The following ST3GAL3 variants were observed in gnomAD, a reference collection of about 807,000 sequenced individuals.
The protein encoded by ST3GAL3 is ST3 beta-galactoside alpha-2,3-sialyltransferase 3.
A neutral mutation model predicts 50.1 loss-of-function variants in ST3GAL3; 21 were observed. That is an observed-to-expected ratio of 0.42 (90% CI 0.30 to 0.60). The LOEUF is 0.60. Among genes scored for constraint, ST3GAL3 ranks in the 20% least tolerant of loss-of-function variants. ST3GAL3 has a pLI of 0.19. For synonymous variants in ST3GAL3, 183 were observed against 190.0 expected (o/e 0.96, Z 0.30); for missense variants, 353 against 489.4 (o/e 0.72, Z 2.63).
intron 4 of ST3GAL3, among the ~76,000 whole-genome samples, chr1:43,818,043 A>G (rs928132233): frequency 1.3e-5 from 2 of 151,890 alleles, no homozygotes; most frequent in Non-Finnish European, 2.9e-5. Context: ...CCTCATTTAG[A>G]TTCTTGGGTA....
intron 5 of ST3GAL3, among the ~76,000 whole-genome samples, chr1:43,883,915 C>G (rs1462716937): frequency 2.0e-5 from 3 of 152,226 alleles, no homozygotes; most frequent in Admixed American, 6.5e-5. Flanking sequence ...TTGCCATTAT[C>G]TCCTTTGAGA....
chr1:43,728,846 T>C (rs1043024799), intron 1 of ST3GAL3, among the ~76,000 whole-genome samples: 5 of 152,198 alleles, frequency 3.3e-5, no homozygotes, highest in African/African-American at 1.2e-4. Flanking sequence ...TACACATATG[T>C]ATACACACAT....
chr1:43,912,580 G>T (rs1331334889), intron 9 of ST3GAL3: 1 of 152,280 alleles, frequency 6.6e-6, no homozygotes, highest in Non-Finnish European at 1.5e-5. Context: ...GTCACCCCAG[G>T]AGAGTTGGTG....
chr1:43,817,598 C>CTCCT (rs2061488096), intron 4 of ST3GAL3, among the ~76,000 whole-genome samples: 1 of 73,106 alleles, frequency 1.4e-5, no homozygotes, highest in Non-Finnish European at 3.0e-5. Context: ...TCTCCTCCTC[C>CTCCT]CTTCTCCTTC....
chr1:43,775,420 G>A (rs935691900), intron 2 of ST3GAL3, among the ~76,000 whole-genome samples: 8 of 151,982 alleles, frequency 5.3e-5, no homozygotes, highest in Admixed American at 4.6e-4. Context: ...TTTTAGTAGA[G>A]ATGGAGTTTC....
At chr1:43,862,345 A>T (rs3011229) in intron 5 of ST3GAL3, among the ~76,000 whole-genome samples, 1 of 152,136 alleles carries the variant, frequency 6.6e-6, no homozygotes, top group African/African-American at 2.4e-5. Flanking sequence ...TGTGTATACC[A>T]CATTATAATT....
chr1:43,890,513 C>A (rs2428854), intron 5 of ST3GAL3, among the ~76,000 whole-genome samples: 123,854 of 152,156 alleles, frequency 0.81, 51,262 homozygotes, highest in Non-Finnish European at 0.89. Context: ...TCATTCAAGG[C>A]ATAGAAAGAG....
chr1:43,770,163 A>G (rs573603542), intron 2 of ST3GAL3, among the ~76,000 whole-genome samples: 2 of 151,620 alleles, frequency 1.3e-5, no homozygotes, highest in East Asian at 2.0e-4. Flanking sequence ...TTCTCTAGTA[A>G]AAGTCTTTGT....
chr1:43,728,118 G>C (rs892723188), intron 1 of ST3GAL3, among the ~76,000 whole-genome samples: 1 of 152,100 alleles, frequency 6.6e-6, no homozygotes, highest in Non-Finnish European at 1.5e-5. Flanking sequence ...GTAAGAACAT[G>C]TGGTATTTGG....
chr1:43,742,588 A>G (rs1254660859), intron 2 of ST3GAL3, among the ~76,000 whole-genome samples: 1 of 152,256 alleles, frequency 6.6e-6, no homozygotes, highest in Non-Finnish European at 1.5e-5. Context: ...GCAAAGAAAC[A>G]GGAGAATATC....
intron 5 of ST3GAL3, among the ~76,000 whole-genome samples, chr1:43,884,339 T>G (rs2075632524): frequency 6.6e-6 from 1 of 152,212 alleles, no homozygotes. Flanking sequence ...CTTCGACTCC[T>G]GCTCTCCCAT....
intron 5 of ST3GAL3, among the ~76,000 whole-genome samples, chr1:43,855,335 C>T (rs140712028): frequency 1.3e-3 from 204 of 152,304 alleles, no homozygotes; most frequent in Middle Eastern, 3.4e-3. Flanking sequence ...ATCAGCCAGG[C>T]GCAGTGGCTC....
At chr1:43,928,076 T>G (rs780353493) in intron 11 of ST3GAL3, among the ~76,000 whole-genome samples, 1 of 152,124 alleles carries the variant, frequency 6.6e-6, no homozygotes, top group African/African-American at 2.4e-5. Context: ...TGTAAAAGAT[T>G]TGGAAGGTGG....
intron 4 of ST3GAL3, among the ~76,000 whole-genome samples, chr1:43,821,845 G>T (rs1458696115): frequency 1.3e-5 from 2 of 152,164 alleles, no homozygotes; most frequent in Admixed American, 1.3e-4. Flanking sequence ...CTCTTGCCCC[G>T]ACAACAAAGT....
chr1:43,864,781 A>G lies in ST3GAL3; in HGVS notation c.302+26470A>G, dbSNP rs77837695. 1.3e-4 allele frequency among the ~76,000 whole-genome samples: 20 copies of G among 152,214 alleles called. No individual in the cohort carries two copies. In the East Asian group the frequency reaches 3.9e-3, roughly 29 times the overall value. On this transcript the variant is annotated intron_variant, in intron 5 of 11. Transcript: ENST00000347631. Reference sequence around the variant, plus strand: ...AATGACAACATTAGGTGGCTGGTAGAGGGATGAGTAAAAATGGATTCCTAG... The same window carrying G: ...AATGACAACATTAGGTGGCTGGTAGGGGGATGAGTAAAAATGGATTCCTAG...
At chr1:43,791,398 G>C (rs2058061424) in intron 2 of ST3GAL3, among the ~76,000 whole-genome samples, 1 of 150,984 alleles carries the variant, frequency 6.6e-6, no homozygotes, top group East Asian at 1.9e-4. Flanking sequence ...CAGTTGCCCA[G>C]TGCATATTTA....
rs191884377 is a variant in ST3GAL3, at chr1:43,730,800, G to A, written c.-30-5433G>A. On this transcript the variant is annotated intron_variant, in intron 1 of 11. Coordinates refer to ENST00000347631, the MANE Select transcript of ST3GAL3 (RefSeq NM_006279.5). Reference sequence around the variant, plus strand: ...TGCACAGGCTGGTCTCAAATTCCTGGCCTCTCAAAGTGCTAGGATTACAGG... The same window carrying A: ...TGCACAGGCTGGTCTCAAATTCCTGACCTCTCAAAGTGCTAGGATTACAGG... Among the ~76,000 whole-genome samples, 373 of 151,418 alleles carry A rather than the reference G, an allele frequency of 2.5e-3. 1 individual carries two copies. The highest frequency in any genetic ancestry group is 4.2e-3 in the Admixed American group (64 of 15,216).
chr1:43,794,538 G>C (rs1441748039), intron 3 of ST3GAL3, among the ~76,000 whole-genome samples: 1 of 152,200 alleles, frequency 6.6e-6, no homozygotes, highest in African/African-American at 2.4e-5. Context: ...CATACCTGGT[G>C]ACTTAGCAAT....
chr1:43,788,293 A>T (rs965271400), intron 2 of ST3GAL3, among the ~76,000 whole-genome samples: 1 of 152,230 alleles, frequency 6.6e-6, no homozygotes, highest in African/African-American at 2.4e-5. Context: ...TTGTGAGTAC[A>T]AAGAAGATAA....
Sources: allele counts gnomAD v4.1 joint callset (sites outside exome capture counted in the v4.1 genomes callset), GRCh38; gene constraint gnomAD v4.1.1; transcripts MANE v1.5; gene names NCBI Gene and HGNC (gene_info 2026-07-23, HGNC 2026-07-21).